The following AXL variants were observed in gnomAD, a reference collection of about 807,000 sequenced individuals.
The protein encoded by AXL is AXL receptor tyrosine kinase.
Under a neutral mutation model 104.5 loss-of-function variants are expected in AXL, and 52 were observed. The ratio of observed to expected loss-of-function variants is 0.50; its 90% CI spans 0.40 to 0.63. The LOEUF (loss-of-function observed/expected upper bound fraction) is 0.63, where lower values mean the gene tolerates loss of function less well. Ranked by LOEUF, AXL falls within the 20% of genes least tolerant of loss-of-function variation. The pLI is 0.00. For synonymous variants in AXL, 455 were observed against 473.7 expected (o/e 0.96, Z 0.51); for missense variants, 1,024 against 1,188.5 (o/e 0.86, Z 2.04).
intron 6 of AXL, among the ~76,000 whole-genome samples, chr19:41,237,211 T>C (rs1599732706): frequency 6.6e-6 from 1 of 152,180 alleles, no homozygotes; most frequent in African/African-American, 2.4e-5. Context: ...GTCATATAAA[T>C]GGGGCCTCAC....
rs1202823285 is a variant in AXL, at chr19:41,252,381, A to G, written c.1742A>G (p.Asp581Gly). The change falls in exon 15 of 20, where the codon GAT (aspartate) becomes GGT (glycine). Residue 581 changes from aspartate to glycine, a missense_variant. Around this residue, in one of 5 missense-constraint regions of AXL, gnomAD observed 523 missense variants for 636.0 expected, o/e 0.82. Transcript: ENST00000301178. The stretch of plus-strand genomic sequence containing the variant: ...ATCTGCACGAGGTCAGAGCTGGAGG[A>G]TTTCCTGAGTGAAGCGGTCTGCATG... ...IAICTRSELE[D>G]FLSEAVCMKE... The G allele has an allele frequency of 6.2e-7, 1 of 1,613,604 alleles. No homozygotes were observed. The highest frequency in any genetic ancestry group is 8.5e-7 in the Non-Finnish European group (1 of 1,179,912).
In AXL at chr19:41,245,401, C is replaced by T. The variant is rs558000139; in HGVS notation, c.1537+1694C>T. ...CTGGAAAGCCATGCAAGGTCTCAGC[C>T]GAGGAGGGGATCTCAGAGGCCCAGT... On this transcript the variant is annotated intron_variant, in intron 12 of 19. Transcript: ENST00000301178. 5.3e-5 allele frequency among the ~76,000 whole-genome samples: 8 copies of T among 152,254 alleles called. No homozygotes were observed. In the South Asian group the frequency reaches 6.2e-4, roughly 12 times the overall value.
intron 14 of AXL, among the ~76,000 whole-genome samples, chr19:41,250,093 G>C (rs913918637): frequency 9.2e-5 from 14 of 152,192 alleles, no homozygotes; most frequent in African/African-American, 3.4e-4. Context: ...CCTGTCATCT[G>C]GAAAAAAGGA....
Position 41,224,211 on chromosome 19 carries a change from G to T in AXL, c.586+2155G>T, listed in dbSNP as rs532895164. Among the ~76,000 whole-genome samples the T allele has an allele frequency of 3.3e-5, 5 of 152,064 alleles. No homozygotes were observed. In the South Asian group the frequency reaches 8.3e-4, roughly 25 times the overall value. On this transcript the variant is annotated intron_variant, in intron 4 of 19. Coordinates refer to ENST00000301178, the MANE Select transcript of AXL (RefSeq NM_021913.5). ...TATGAAAGTAAAGTGTGCCTGGAGG[G>T]TAGTGGGTTTGGGGCTATGGTGCAC...
At chr19:41,259,501 C>T (rs1314084733) in intron 19 of AXL, 52 bp from the exon 20 acceptor site, 4 of 1,470,664 alleles carry the variant, frequency 2.7e-6, no homozygotes, top group Non-Finnish European at 3.7e-6. Flanking sequence ...TTCCAGAATG[C>T]ACCCCTTCTG....
At chr19:41,246,049 C>T (rs999533014) in intron 12 of AXL, among the ~76,000 whole-genome samples, 4 of 152,180 alleles carry the variant, frequency 2.6e-5, no homozygotes, top group African/African-American at 4.8e-5. Flanking sequence ...CTTTCTCATT[C>T]TCTCATTAGC....
Position 41,220,763 on chromosome 19 carries a change from G to C in AXL, c.213G>C (p.Arg71=). The C allele has an allele frequency of 2.5e-6, 4 of 1,614,198 alleles. No individual in the cohort carries two copies. Among genetic ancestry groups the C allele is most frequent in the Non-Finnish European group, 3.4e-6 (4 of 1,180,026 alleles). ...AGCCCCCCGAGGTACATTGGCTTCG[G>C]GATGGACAGATCCTGGAGCTCGCGG... ...QGEPPEVHWL[R]DGQILELADS... is the part of the protein sequence containing the mutation. Residue 71 remains arginine (R), a synonymous_variant, in exon 2 of 20, where the codon CGG becomes CGC. Coordinates refer to ENST00000301178, the MANE Select transcript of AXL (RefSeq NM_021913.5).
At chr19:41,220,404 C>A in intron 1 of AXL, 1 of 511,014 alleles carries the variant, frequency 2.0e-6, no homozygotes, top group South Asian at 2.2e-5. Context: ...GCTGCCAGAT[C>A]CCGAGCCTCC....
chr19:41,219,498 G>T, intron 1 of AXL, 21 bp downstream of exon 1: 1 of 1,592,322 alleles, frequency 6.3e-7, no homozygotes, highest in South Asian at 1.1e-5. Flanking sequence ...GGGGCTCCTT[G>T]GGGCAGGGAT....
At chr19:41,220,592 G>A in intron 1 of AXL, 44 bp from the exon 2 acceptor site, 1 of 1,509,950 alleles carries the variant, frequency 6.6e-7, no homozygotes, top group Non-Finnish European at 9.0e-7. Context: ...GGGCCGGAAG[G>A]AGCTGGGGGG....
At chr19:41,249,085 G>A (rs1010179984) in intron 14 of AXL, among the ~76,000 whole-genome samples, 1 of 152,132 alleles carries the variant, frequency 6.6e-6, no homozygotes, top group Non-Finnish European at 1.5e-5. Flanking sequence ...GGCCTGAAGG[G>A]TAGAGGGAGC....
rs1312823021 is a variant in AXL at position 41,239,275 on chromosome 19, C to A, written c.1246C>A (p.Pro416Thr). ...AGCCTACACTGCTGCTGGGGATGGACCCTGGAGCCTCCCAGTACCCCTGGA... is the reference window on the plus strand; with the variant it reads ...AGCCTACACTGCTGCTGGGGATGGAACCTGGAGCCTCCCAGTACCCCTGGA... ...VAAYTAAGDG[P>T]WSLPVPLEAW... Residue 416 changes from proline (P) to threonine (T), a missense_variant, in exon 9 of 20, where the codon CCC becomes ACC. Coordinates refer to ENST00000301178, the MANE Select transcript of AXL (RefSeq NM_021913.5). 1.9e-6 allele frequency: 3 copies of A among 1,604,862 alleles called. No homozygotes were observed. The highest frequency in any genetic ancestry group is 2.6e-6 in the Non-Finnish European group (3 of 1,175,666).
At chr19:41,232,210 C>T (rs936051965) in intron 6 of AXL, among the ~76,000 whole-genome samples, 2 of 152,170 alleles carry the variant, frequency 1.3e-5, no homozygotes, top group Admixed American at 6.5e-5. Flanking sequence ...ACCACTGGCT[C>T]CTCATTCTTG....
At position 41,238,778 on chromosome 19, in the gene AXL, C is replaced by T. The variant is rs544519357; in HGVS notation, c.1134+169C>T. ...CACATTCTGGGGAGAATAAGGGGGT[C>T]TAAGGGAGGGCATGGGGAATGGCTG... On this transcript the variant is annotated intron_variant, in intron 8 of 19. Transcript: ENST00000301178. Among the ~76,000 whole-genome samples the T allele has an allele frequency of 7.9e-5, 12 of 152,142 alleles. No homozygotes were observed. The South Asian group carries it at 2.1e-3, about 26-fold the overall frequency.
intron 6 of AXL, 135 bp from the exon 7 acceptor site, chr19:41,237,809 C>A: frequency 1.3e-6 from 1 of 795,622 alleles, no homozygotes; most frequent in Non-Finnish European, 2.1e-6. Context: ...CCCGTGTTAT[C>A]CTAGCATGGC....
chr19:41,235,594 G>A (rs1318258044), intron 6 of AXL, among the ~76,000 whole-genome samples: 4 of 152,216 alleles, frequency 2.6e-5, no homozygotes, highest in Middle Eastern at 3.4e-3. Flanking sequence ...TCAGCACTAG[G>A]CTAAACTGCC....
rs769574605 is a variant in AXL at position 41,219,422 on chromosome 19, G to T, written c.30G>T (p.Arg10Ser). The change falls in exon 1 of 20, where the codon AGG becomes AGT. Residue 10 changes from arginine (R) to serine (S), a missense_variant. By Grantham distance (110) the Arg-to-Ser change is moderately radical. Transcript: ENST00000301178. Reference protein sequence around the residue: MAWRCPRMGRVPLAWCLALC... With the variant: MAWRCPRMGSVPLAWCLALC... ...CGTGGCGGTGCCCCAGGATGGGCAG[G>T]GTCCCGCTGGCCTGGTGCTTGGCGC... The T allele has an allele frequency of 1.2e-6, 2 of 1,605,762 alleles. No individual in the cohort carries two copies. The highest frequency in any genetic ancestry group is 2.2e-5 in the South Asian group (2 of 89,480).
chr19:41,256,281 C>T lies in AXL; in HGVS notation c.2037-171C>T, dbSNP rs188140577. On this transcript the variant is annotated intron_variant, in intron 17 of 19. Transcript: ENST00000301178. ...TCCCATCCTCACTTGACAGAGTGAA[C>T]AAGAAGTAAAGCAGTTCCCTTCTGG... Among the ~76,000 whole-genome samples the T allele has an allele frequency of 3.6e-3, 548 of 152,270 alleles. 13 individuals are homozygous for T. The highest frequency in any genetic ancestry group is 0.031 in the Admixed American group (468 of 15,284).
intron 17 of AXL, among the ~76,000 whole-genome samples, chr19:41,256,012 T>C (rs2034446540): frequency 6.6e-6 from 1 of 152,200 alleles, no homozygotes; most frequent in Admixed American, 6.5e-5. Context: ...CCCAGAGTGC[T>C]GGGATTACAG....
Sources: allele counts gnomAD v4.1 joint callset (sites outside exome capture counted in the v4.1 genomes callset), GRCh38; gene constraint gnomAD v4.1.1; regional missense constraint gnomAD v4.1.1; transcripts MANE v1.5; gene names NCBI Gene and HGNC (gene_info 2026-07-23, HGNC 2026-07-21).